MSRA: variants seen among roughly 807,000 people sequenced by gnomAD.
The protein encoded by MSRA is mitochondrial peptide methionine sulfoxide reductase.
In MSRA, 54 loss-of-function variants were observed where a neutral mutation model predicts 31.3. That is an observed-to-expected ratio of 1.73 (90% confidence interval 1.39 to 2.17). MSRA has a LOEUF of 2.17. Ranked by LOEUF, MSRA falls within the 30% of genes most tolerant of loss-of-function variation. MSRA has a pLI of 0.00. For synonymous variants in MSRA, 169 were observed against 116.5 expected (o/e 1.45, Z -2.90); for missense variants, 507 against 300.9 (o/e 1.69, Z -5.07).
intron 5 of MSRA, among the ~76,000 whole-genome samples, chr8:10,412,242 G>A (rs1437186484): frequency 4.6e-5 from 7 of 152,184 alleles, no homozygotes; most frequent in Admixed American, 1.3e-4. Context: ...GCAGCTAGTC[G>A]TTCTTAAGTG....
chr8:10,316,570 CT>C (rs1417311346), intron 4 of MSRA, among the ~76,000 whole-genome samples: 2 of 147,334 alleles, frequency 1.4e-5, no homozygotes, highest in African/African-American at 2.5e-5. Context: ...CTCTCTCTCT[CT>C]CTCCTTCCTC....
intron 5 of MSRA, among the ~76,000 whole-genome samples, chr8:10,389,104 T>A (rs539354293): frequency 6.6e-6 from 1 of 152,240 alleles, no homozygotes; most frequent in East Asian, 1.9e-4. Context: ...TCACAAAAAA[T>A]TCGTAACCTC....
At chr8:10,183,450 C>T (rs1428465576) in intron 1 of MSRA, among the ~76,000 whole-genome samples, 1 of 152,096 alleles carries the variant, frequency 6.6e-6, no homozygotes, top group Non-Finnish European at 1.5e-5. Flanking sequence ...AGGGCAGAAT[C>T]CTACAACTAG....
At position 10,428,162 on chromosome 8, in the gene MSRA, C is replaced by T. The variant is rs139382033; in HGVS notation, c.558C>T (p.His186=). The change falls in exon 6 of 6, where the codon CAC becomes CAT. Residue 186 remains histidine (H), a synonymous_variant. Transcript: ENST00000317173. ...TGTCCCCACAGGTTCTTTCAGAGCACGGCTTCGGCCCCATCACTACCGACA... is the reference window on the plus strand; with the variant it reads ...TGTCCCCACAGGTTCTTTCAGAGCATGGCTTCGGCCCCATCACTACCGACA... ...KENYQKVLSE[H]GFGPITTDIR... The T allele has an allele frequency of 7.6e-5, 122 of 1,612,644 alleles. No homozygotes were observed. The highest frequency in any genetic ancestry group is 3.3e-4 in the Middle Eastern group (2 of 6,052).
intron 5 of MSRA, among the ~76,000 whole-genome samples, chr8:10,385,470 C>T (rs1806328330): frequency 6.6e-6 from 1 of 152,088 alleles, no homozygotes; most frequent in African/African-American, 2.4e-5. Context: ...AAGCCTGTGG[C>T]ACATGTGGGG....
chr8:10,239,499 A>C (rs1056674700), intron 2 of MSRA, among the ~76,000 whole-genome samples: 6 of 152,220 alleles, frequency 3.9e-5, no homozygotes, highest in African/African-American at 1.2e-4. Context: ...GCAAATATTT[A>C]TATACTTTGT....
chr8:10,294,666 G>A (rs1800432223), intron 3 of MSRA, among the ~76,000 whole-genome samples: 1 of 152,204 alleles, frequency 6.6e-6, no homozygotes, highest in African/African-American at 2.4e-5. Context: ...GGCTGGTAGG[G>A]ACGTGGGGGA....
At chr8:10,336,610 G>C (rs193000841) in intron 5 of MSRA, among the ~76,000 whole-genome samples, 10 of 152,250 alleles carry the variant, frequency 6.6e-5, no homozygotes, top group Non-Finnish European at 1.5e-4. Context: ...TTAGGCTCTT[G>C]TTTACATGAG....
At chr8:10,279,282 C>A (rs963095019) in intron 3 of MSRA, among the ~76,000 whole-genome samples, 2 of 152,196 alleles carry the variant, frequency 1.3e-5, no homozygotes, top group African/African-American at 2.4e-5. Flanking sequence ...TTAATTAATA[C>A]AGAGTAGCTG....
At chr8:10,262,614 A>G (rs988168293) in intron 3 of MSRA, among the ~76,000 whole-genome samples, 1 of 152,144 alleles carries the variant, frequency 6.6e-6, no homozygotes, top group Non-Finnish European at 1.5e-5. Context: ...GGCCTTTATC[A>G]GATATGTGAC....
chr8:10,406,675 A>C (rs963188226), intron 5 of MSRA, among the ~76,000 whole-genome samples: 1 of 152,214 alleles, frequency 6.6e-6, no homozygotes, highest in Admixed American at 6.5e-5. Flanking sequence ...TTTCAAACAC[A>C]AAAGGTGGGT....
chr8:10,240,842 C>T (rs1024327845), intron 2 of MSRA, among the ~76,000 whole-genome samples: 1 of 152,116 alleles, frequency 6.6e-6, no homozygotes, highest in Non-Finnish European at 1.5e-5. Context: ...CCCCCGCACC[C>T]CCATCCCCCA....
At chr8:10,398,199 C>T (rs1807222142) in intron 5 of MSRA, among the ~76,000 whole-genome samples, 1 of 152,340 alleles carries the variant, frequency 6.6e-6, no homozygotes, top group Non-Finnish European at 1.5e-5. Context: ...TCTTTTCGCT[C>T]AGTCCAGGGA....
In MSRA at chr8:10,250,724, A is replaced by G. The variant is rs1585275260; in HGVS notation, c.331+5501A>G. On this transcript the variant is annotated intron_variant, in intron 3 of 5. Coordinates refer to ENST00000317173, the MANE Select transcript of MSRA (RefSeq NM_012331.5). ...TGATGGAACTGACTGTATGGTCTGC[A>G]AAACCTAAAATATTTACTGTCAGGT... The G allele has an allele frequency of 2.2e-5, 11 of 497,838 alleles. No individual in the cohort carries two copies. The East Asian group carries it at 3.5e-4, about 16-fold the overall frequency. 30.8% of individuals were successfully genotyped at this position (497,838 alleles called of 1,614,324 possible).
chr8:10,066,349 A>G (rs925412334), intron 1 of MSRA, among the ~76,000 whole-genome samples: 1 of 152,102 alleles, frequency 6.6e-6, no homozygotes, highest in Non-Finnish European at 1.5e-5. Flanking sequence ...CCTTTTTCCA[A>G]TTTCCCAACT....
intron 2 of MSRA, among the ~76,000 whole-genome samples, chr8:10,221,445 C>T (rs11984806): frequency 0.26 from 26,004 of 101,058 alleles, 2,513 homozygotes; most frequent in East Asian, 0.43. Context: ...TGTATATATA[C>T]ATATATATAT....
rs547145267 is a variant in MSRA at position 10,056,079 on chromosome 8, A to C, written c.142+1421A>C. Among the ~76,000 whole-genome samples the C allele has an allele frequency of 1.2e-4, 18 of 152,014 alleles. No homozygotes were observed. In the South Asian group the frequency reaches 3.7e-3, roughly 32 times the overall value. On this transcript the variant is annotated intron_variant, in intron 1 of 5. Transcript: ENST00000317173. ...TCTTAAAATTTTTTCTTTCTTTTAC[A>C]GGCAGGAATTTATACGTGCATGTTT... is the stretch of plus-strand genomic sequence containing the variant.
At chr8:10,356,677 C>T (rs1804526059) in intron 5 of MSRA, among the ~76,000 whole-genome samples, 1 of 152,036 alleles carries the variant, frequency 6.6e-6, no homozygotes, top group African/African-American at 2.4e-5. Context: ...GACCCTTGGC[C>T]CATTCTGCTG....
At chr8:10,065,369 A>G (rs955504007) in intron 1 of MSRA, among the ~76,000 whole-genome samples, 1 of 152,210 alleles carries the variant, frequency 6.6e-6, no homozygotes, top group Non-Finnish European at 1.5e-5. Context: ...CCCACTCTAG[A>G]TAACTTAAAA....
Sources: allele counts gnomAD v4.1 joint callset (sites outside exome capture counted in the v4.1 genomes callset), GRCh38; gene constraint gnomAD v4.1.1; transcripts MANE v1.5; gene names NCBI Gene and HGNC (gene_info 2026-07-23, HGNC 2026-07-21).